NYAP2: variants seen among roughly 807,000 people sequenced by gnomAD.
The protein encoded by NYAP2 is neuronal tyrosine-phosphorylated phosphoinositide-3-kinase adaptor 2.
Under a neutral mutation model 50.4 loss-of-function variants are expected in NYAP2, and 23 were observed. The observed-to-expected ratio is 0.46, with a 90% CI of 0.33 to 0.65. The LOEUF is 0.65. NYAP2 is among the 30% of genes least tolerant of loss of function. The probability of loss-of-function intolerance (pLI) is 0.02; values close to 1 mark genes in which losing one functional copy is unlikely to be tolerated. For missense variants in NYAP2, 885 were observed against 861.0 expected (o/e 1.03, Z -0.35); for synonymous variants, 394 against 365.2 (o/e 1.08, Z -0.90).
At position 225,618,740 on chromosome 2, in the gene NYAP2, C is replaced by T. The variant is rs114957108; in HGVS notation, c.1619-8177C>T. 4.3e-3 allele frequency among the ~76,000 whole-genome samples: 660 copies of T among 152,290 alleles called. 6 individuals carry two copies. The highest frequency in any genetic ancestry group is 0.014 in the African/African-American group (588 of 41,568). ...TTGAGAGCTGCCAGAAACTAGTTTA[C>T]GAAGGGCCTGATGTCTTAACCCAAA... On this transcript the variant is annotated intron_variant, in intron 5 of 6. Coordinates refer to ENST00000636099, the Ensembl canonical transcript of NYAP2.
At chr2:225,554,121 A>T (rs897393900) in intron 4 of NYAP2, among the ~76,000 whole-genome samples, 3 of 152,130 alleles carry the variant, frequency 2.0e-5, no homozygotes, top group Admixed American at 6.5e-5. Flanking sequence ...ATCCTTTTAC[A>T]TACCAGTATT....
At chr2:225,695,436 T>C in the NYAP2 span, among the ~76,000 whole-genome samples, 2 of 152,006 alleles carry the variant, frequency 1.3e-5, no homozygotes, top group African/African-American at 4.8e-5. Context: ...ATAGAACCCA[T>C]AGTATTTTAC....
chr2:225,656,631 AGT>A (rs1434036890), downstream of NYAP2, among the ~76,000 whole-genome samples: 2 of 152,104 alleles, frequency 1.3e-5, no homozygotes, highest in Non-Finnish European at 2.9e-5. Context: ...GCATATCTAG[AGT>A]GTATTTCTGA....
intron 5 of NYAP2, among the ~76,000 whole-genome samples, chr2:225,620,458 CACGCGCAT>C (rs1391426331): frequency 2.0e-5 from 3 of 147,890 alleles, no homozygotes; most frequent in Admixed American, 1.3e-4. Context: ...CGCACGCACA[CACGCGCAT>C]GCACACGCAC....
chr2:225,473,906 T>G (rs571766665), intron 3 of NYAP2, among the ~76,000 whole-genome samples: 120 of 152,322 alleles, frequency 7.9e-4, no homozygotes, highest in African/African-American at 2.8e-3. Context: ...CTGAATGGTA[T>G]TGCCTAGGTT....
chr2:225,456,585 G>A (rs959008941), intron 3 of NYAP2, among the ~76,000 whole-genome samples: 1 of 152,154 alleles, frequency 6.6e-6, no homozygotes, highest in Non-Finnish European at 1.5e-5. Context: ...GGGTTCAGGG[G>A]CTGGTGAGGA....
At chr2:225,703,124 C>A in the NYAP2 span, 21 of 151,656 alleles carry the variant, frequency 1.4e-4, no homozygotes, top group East Asian at 3.3e-3. Context: ...AATGTGTTTA[C>A]GTATTTAGCA....
rs537964147 is a variant in NYAP2 at position 225,513,207 on chromosome 2, G to A, written c.222-164G>A. ...GGGGAAAACAAAATTTAACACAAAA[G>A]TTAGAATGCTTTCATGCTACTTGAG... On this transcript the variant is annotated intron_variant, in intron 3 of 6. Coordinates refer to ENST00000636099, the Ensembl canonical transcript of NYAP2. 3.3e-5 allele frequency among the ~76,000 whole-genome samples: 5 copies of A among 152,278 alleles called. 1 individual carries two copies. In the South Asian group the frequency reaches 1.0e-3, roughly 32 times the overall value.
intron 3 of NYAP2, among the ~76,000 whole-genome samples, chr2:225,475,168 C>G (rs1480704348): frequency 1.3e-5 from 2 of 152,152 alleles, no homozygotes; most frequent in Non-Finnish European, 2.9e-5. Flanking sequence ...AATGTATTTA[C>G]CATTTCCATT....
intron 3 of NYAP2, among the ~76,000 whole-genome samples, chr2:225,492,962 C>T (rs1690434224): frequency 6.6e-6 from 1 of 151,854 alleles, no homozygotes; most frequent in Non-Finnish European, 1.5e-5. Flanking sequence ...GGAATGTGTG[C>T]TCTGCTGACA....
chr2:225,691,637 A>T, the NYAP2 span, among the ~76,000 whole-genome samples: 1 of 152,140 alleles, frequency 6.6e-6, no homozygotes, highest in Non-Finnish European at 1.5e-5. Flanking sequence ...CAATGAGAGC[A>T]ATAACACCCC....
At chr2:225,399,140 AG>A (rs1183193006), upstream of NYAP2, among the ~76,000 whole-genome samples, 1 of 152,068 alleles carries the variant, frequency 6.6e-6, no homozygotes, top group Non-Finnish European at 1.5e-5. Context: ...AAAGAATGTG[AG>A]GGGAAAAATC....
intron 3 of NYAP2, among the ~76,000 whole-genome samples, chr2:225,448,583 A>ACTTAATATAT (rs1689599373): frequency 6.6e-6 from 1 of 152,194 alleles, no homozygotes; most frequent in Non-Finnish European, 1.5e-5. Flanking sequence ...TCTATAACTA[A>ACTTAATATAT]CTTAATATAT....
chr2:225,672,083 AACTTAAAGTC>A, the NYAP2 span, among the ~76,000 whole-genome samples: 48 of 152,140 alleles, frequency 3.2e-4, no homozygotes, highest in Non-Finnish European at 6.9e-4. Flanking sequence ...CATTGGCTTC[AACTTAAAGTC>A]ACTGGCTGCA....
At chr2:225,694,724 A>G in the NYAP2 span, among the ~76,000 whole-genome samples, 1 of 151,918 alleles carries the variant, frequency 6.6e-6, no homozygotes, top group African/African-American at 2.4e-5. Flanking sequence ...TAAGAAGATT[A>G]TATACTAGAA....
chr2:225,553,900 G>A (rs1229174749), intron 4 of NYAP2, among the ~76,000 whole-genome samples: 1 of 152,050 alleles, frequency 6.6e-6, no homozygotes, highest in African/African-American at 2.4e-5. Context: ...AGCTTGGCAT[G>A]GTATTGCTAC....
At chr2:225,703,575 T>C in the NYAP2 span, 1 of 151,878 alleles carries the variant, frequency 6.6e-6, no homozygotes, top group Non-Finnish European at 1.5e-5. Context: ...CTTTAGTGCA[T>C]TGACAATATT....
intron 6 of NYAP2, 93 bp downstream of exon 6, chr2:225,627,219 ATC>A: frequency 5.2e-6 from 5 of 958,578 alleles, no homozygotes; most frequent in Non-Finnish European, 8.1e-6. Flanking sequence ...CACCACAGAT[ATC>A]TCTGTCTGCA....
chr2:225,420,441 T>G (rs1199009433), intron 3 of NYAP2, among the ~76,000 whole-genome samples: 1 of 152,134 alleles, frequency 6.6e-6, no homozygotes, highest in Non-Finnish European at 1.5e-5. Context: ...TTTTATAGTT[T>G]GATTTCTTTT....
Sources: allele counts gnomAD v4.1 joint callset (sites outside exome capture counted in the v4.1 genomes callset), GRCh38; gene constraint gnomAD v4.1.1; transcripts MANE v1.5; gene names NCBI Gene and HGNC (gene_info 2026-07-23, HGNC 2026-07-21).